UIMC1: variants seen among roughly 807,000 people sequenced by gnomAD.
UIMC1 encodes the protein ubiquitin interaction motif containing 1.
A neutral mutation model predicts 84.9 loss-of-function variants in UIMC1; 42 were observed. That is an observed-to-expected ratio of 0.49 (90% CI 0.39 to 0.64). The LOEUF is 0.64. Among genes scored for constraint, UIMC1 ranks in the 30% least tolerant of loss-of-function variants. The pLI is 0.00. For missense variants in UIMC1, 825 were observed against 847.6 expected (o/e 0.97, Z 0.33); for synonymous variants, 281 against 293.0 (o/e 0.96, Z 0.42).
intron 1 of UIMC1, among the ~76,000 whole-genome samples, chr5:177,019,073 C>T (rs1032939258): frequency 5.9e-5 from 9 of 151,994 alleles, no homozygotes; most frequent in Non-Finnish European, 8.8e-5. Flanking sequence ...AGTGAGACCC[C>T]GTCTCTAAAA....
chr5:176,939,024 G>A (rs977740484), intron 10 of UIMC1, among the ~76,000 whole-genome samples: 2 of 151,678 alleles, frequency 1.3e-5, no homozygotes, highest in South Asian at 2.1e-4. Flanking sequence ...AGGCCAAGGC[G>A]GGATGCCTGC....
At chr5:176,934,897 C>A (rs1763546212) in intron 10 of UIMC1, among the ~76,000 whole-genome samples, 1 of 152,184 alleles carries the variant, frequency 6.6e-6, no homozygotes, top group African/African-American at 2.4e-5. Context: ...TGAACAGAGA[C>A]CACTGGATTC....
chr5:176,974,957 G>A (rs1769833711), intron 3 of UIMC1, among the ~76,000 whole-genome samples: 1 of 151,976 alleles, frequency 6.6e-6, no homozygotes, highest in Non-Finnish European at 1.5e-5. Flanking sequence ...AGTTTGAGAT[G>A]AGCCTGGACA....
chr5:176,987,123 G>A (rs1457317573), intron 1 of UIMC1, among the ~76,000 whole-genome samples: 1 of 152,108 alleles, frequency 6.6e-6, no homozygotes, highest in East Asian at 1.9e-4. Context: ...GGGAGGCTGA[G>A]GCAGGAGAAT....
chr5:177,011,625 G>T (rs1454084813), upstream of UIMC1, among the ~76,000 whole-genome samples: 1 of 151,706 alleles, frequency 6.6e-6, no homozygotes, highest in Non-Finnish European at 1.5e-5. Context: ...ACTCTTAGAA[G>T]AAAACATATG....
intron 6 of UIMC1, among the ~76,000 whole-genome samples, chr5:176,967,479 T>A (rs180756520): frequency 1.3e-5 from 2 of 152,254 alleles, no homozygotes; most frequent in Non-Finnish European, 1.5e-5. Flanking sequence ...AACACAAATT[T>A]GAGTCCAGAG....
intron 1 of UIMC1, chr5:177,001,481 T>C (rs1336534182): frequency 6.6e-6 from 1 of 152,156 alleles, no homozygotes; most frequent in Non-Finnish European, 1.5e-5. Flanking sequence ...TGATCCTAGG[T>C]TGTTGTTTTT....
At chr5:176,923,140 C>T (rs778859778) in intron 10 of UIMC1, among the ~76,000 whole-genome samples, 1 of 152,196 alleles carries the variant, frequency 6.6e-6, no homozygotes, top group Admixed American at 6.5e-5. Context: ...CCAACATAAT[C>T]ACGTAAGATG....
chr5:176,971,764 C>T (rs867365715), intron 3 of UIMC1, among the ~76,000 whole-genome samples: 9 of 152,026 alleles, frequency 5.9e-5, no homozygotes, highest in African/African-American at 2.2e-4. Context: ...CAAAAATTAG[C>T]CAGGCATGGT....
At chr5:177,016,753 C>T (rs974681142) in intron 1 of UIMC1, among the ~76,000 whole-genome samples, 3 of 142,886 alleles carry the variant, frequency 2.1e-5, no homozygotes, top group African/African-American at 5.3e-5. Context: ...CCGGGCGCGG[C>T]GGCTCATGCC....
intron 1 of UIMC1, among the ~76,000 whole-genome samples, chr5:176,988,023 C>CTACAAG (rs1223880606): frequency 6.9e-6 from 1 of 145,238 alleles, no homozygotes; most frequent in African/African-American, 2.6e-5. Flanking sequence ...AGTTGGGAGG[C>CTACAAG]TCAAGTGGGA....
At chr5:176,999,431 T>A (rs780466656) in intron 1 of UIMC1, among the ~76,000 whole-genome samples, 2 of 152,162 alleles carry the variant, frequency 1.3e-5, no homozygotes, top group Non-Finnish European at 2.9e-5. Flanking sequence ...TATACTATTT[T>A]AAAATGTACA....
chr5:177,005,125 G>A lies in UIMC1; in HGVS notation c.-9+1525C>T, dbSNP rs575894476. Among the ~76,000 whole-genome samples, 4 of 152,016 alleles carry A rather than the reference G, an allele frequency of 2.6e-5. No homozygotes were observed. In the South Asian group the frequency reaches 8.3e-4, roughly 32 times the overall value. ...TCTCACTCTCTTGCCCATGCTGAAG[G>A]GCAGTGGCACGATCATAGCTCACCT... On this transcript the variant is annotated intron_variant, in intron 1 of 14. Transcript: ENST00000511320.
intron 1 of UIMC1, among the ~76,000 whole-genome samples, chr5:177,000,658 G>T (rs1248526298): frequency 1.3e-5 from 2 of 151,610 alleles, no homozygotes; most frequent in African/African-American, 4.9e-5. Context: ...GCACCACCAC[G>T]CCCGGCTAAT....
At chr5:176,969,790 G>A in intron 4 of UIMC1, 84 bp from the exon 5 acceptor site, 1 of 1,121,912 alleles carries the variant, frequency 8.9e-7, no homozygotes, top group Non-Finnish European at 1.3e-6. Flanking sequence ...AAAATGGGAG[G>A]CCACCGTTCA....
intron 1 of UIMC1, among the ~76,000 whole-genome samples, chr5:176,995,165 C>A (rs774146650): frequency 6.6e-6 from 1 of 152,080 alleles, no homozygotes; most frequent in African/African-American, 2.4e-5. Flanking sequence ...GAAAACATTA[C>A]CACCCAAAAA....
At chr5:176,986,359 C>CA (rs71583560) in intron 1 of UIMC1, among the ~76,000 whole-genome samples, 947 of 27,980 alleles carry the variant, frequency 0.034, 163 homozygotes, top group East Asian at 0.068. Flanking sequence ...GACTTCATCT[C>CA]AAAAAAAAAA....
At chr5:176,980,020 C>G (rs138312451) in intron 2 of UIMC1, 1 of 152,274 alleles carries the variant, frequency 6.6e-6, no homozygotes, top group Non-Finnish European at 1.5e-5. Flanking sequence ...AAATTTGTCT[C>G]TCTCCTGGAG....
At chr5:176,906,633 T>C (rs980457726) in intron 13 of UIMC1, among the ~76,000 whole-genome samples, 4 of 152,252 alleles carry the variant, frequency 2.6e-5, no homozygotes, top group East Asian at 1.9e-4. Flanking sequence ...TCTATGAGGT[T>C]TGGCATTACT....
Sources: allele counts gnomAD v4.1 joint callset (sites outside exome capture counted in the v4.1 genomes callset), GRCh38; gene constraint gnomAD v4.1.1; transcripts MANE v1.5; gene names NCBI Gene and HGNC (gene_info 2026-07-23, HGNC 2026-07-21).